NLRP13: variants seen among roughly 807,000 people sequenced by gnomAD.
NLRP13 encodes the protein NLR family pyrin domain containing 13, also known as NACHT, LRR and PYD domains-containing protein 13.
In NLRP13, 82 loss-of-function variants were observed where a neutral mutation model predicts 94.4. The observed-to-expected ratio is 0.87, with a 90% CI of 0.73 to 1.04. The LOEUF (loss-of-function observed/expected upper bound fraction) is 1.04. Among genes scored for constraint, NLRP13 ranks in the 50% least tolerant of loss-of-function variants. The pLI is 0.00. For missense variants in NLRP13, 1,426 were observed against 1,230.8 expected (o/e 1.16, Z -2.37); for synonymous variants, 553 against 464.7 (o/e 1.19, Z -2.45).
chr19:55,899,950 GTTGTT>G (rs959051844), intron 9 of NLRP13, among the ~76,000 whole-genome samples: 4 of 55,170 alleles, frequency 7.3e-5, no homozygotes, highest in Admixed American at 6.3e-4. Context: ...GAATATAATT[GTTGTT>G]TTTTTTTTTT....
intron 9 of NLRP13, 62 bp downstream of exon 9, chr19:55,901,973 G>A: frequency 6.5e-7 from 1 of 1,545,914 alleles, no homozygotes; most frequent in Non-Finnish European, 8.9e-7. Context: ...CTCAGGCATT[G>A]GTGGGTCAAT....
At chr19:55,902,989 CAT>C (rs961431912) in intron 8 of NLRP13, among the ~76,000 whole-genome samples, 9 of 150,242 alleles carry the variant, frequency 6.0e-5, no homozygotes, top group Admixed American at 2.0e-4. Flanking sequence ...TAATATTAGT[CAT>C]AATTATATAA....
intron 1 of NLRP13, among the ~76,000 whole-genome samples, chr19:55,929,530 A>T (rs1199070291): frequency 6.6e-6 from 1 of 152,204 alleles, no homozygotes; most frequent in Non-Finnish European, 1.5e-5. Flanking sequence ...CAGGAACGGA[A>T]AACCAAACAC....
intron 4 of NLRP13, among the ~76,000 whole-genome samples, chr19:55,920,559 A>G (rs1168221682): frequency 6.6e-6 from 1 of 152,152 alleles, no homozygotes; most frequent in Non-Finnish European, 1.5e-5. Context: ...AAAAATGCTC[A>G]TTATCACTAG....
chr19:55,924,534 T>A, intron 3 of NLRP13, 56 bp downstream of exon 3: 2 of 1,274,532 alleles, frequency 1.6e-6, no homozygotes, highest in South Asian at 2.4e-5. Context: ...TGTGGACCAA[T>A]GAAACGAGTG....
intron 7 of NLRP13, among the ~76,000 whole-genome samples, chr19:55,905,367 CCT>C (rs1986308376): frequency 6.6e-6 from 1 of 151,230 alleles, no homozygotes; most frequent in South Asian, 2.1e-4. Flanking sequence ...CATGGAGAAA[CCT>C]CATCTCCACT....
intron 2 of NLRP13, 114 bp downstream of exon 2, chr19:55,924,853 A>T: frequency 1.0e-6 from 1 of 991,054 alleles, no homozygotes; most frequent in South Asian, 1.4e-5. Context: ...AAAGTTTTTA[A>T]TTTTTTATGC....
At chr19:55,909,383 A>G (rs1399663306) in intron 6 of NLRP13, among the ~76,000 whole-genome samples, 1 of 152,110 alleles carries the variant, frequency 6.6e-6, no homozygotes, top group East Asian at 1.9e-4. Context: ...AAGAGGTTCT[A>G]TTTTTAATTC....
Position 55,912,172 on chromosome 19 carries a change from C to G in NLRP13, c.1645G>C (p.Val549Leu). ...GGGAATTCTCTAGGTTCCTCTAGCACAAAGGACATGGCTGCAAAAAACTCC... is the reference window on the plus strand; with the variant it reads ...GGGAATTCTCTAGGTTCCTCTAGCAGAAAGGACATGGCTGCAAAAAACTCC... ...FQEFFAAMSFVLEEPREFPPH... is the reference protein window; with the variant it reads ...FQEFFAAMSFLLEEPREFPPH... The change falls in exon 5 of 11, where the codon GTG (valine) becomes CTG (leucine). Residue 549 changes from valine to leucine, a missense_variant. Physicochemically the swap from Val to Leu is conservative, Grantham distance 32. Coordinates refer to ENST00000342929, the MANE Select transcript of NLRP13 (RefSeq NM_176810.2). The G allele has an allele frequency of 6.2e-7, 1 of 1,614,140 alleles. No homozygotes were observed. The highest frequency in any genetic ancestry group is 1.1e-5 in the South Asian group (1 of 91,076).
intron 7 of NLRP13, among the ~76,000 whole-genome samples, chr19:55,905,418 C>CACACATATATATATACAT (rs1986312287): frequency 1.3e-5 from 2 of 149,854 alleles, no homozygotes; most frequent in African/African-American, 4.9e-5. Flanking sequence ...TATATATACA[C>CACACATATATATATACAT]GTATATATAC....
intron 5 of NLRP13, 118 bp from the exon 6 acceptor site, chr19:55,910,851 T>C: frequency 1.1e-6 from 1 of 947,886 alleles, no homozygotes; most frequent in Non-Finnish European, 1.5e-6. Context: ...TTTCCTAATG[T>C]GGCTGGGTGC....
intron 1 of NLRP13, among the ~76,000 whole-genome samples, chr19:55,925,866 T>C (rs551504582): frequency 1.3e-5 from 2 of 152,282 alleles, no homozygotes; most frequent in East Asian, 3.9e-4. Flanking sequence ...TCCATGTTCC[T>C]TCAAAGAACA....
intron 6 of NLRP13, among the ~76,000 whole-genome samples, chr19:55,908,834 G>A (rs1293450267): frequency 6.6e-6 from 1 of 152,128 alleles, no homozygotes; most frequent in Non-Finnish European, 1.5e-5. Context: ...TAATATCTGG[G>A]TGATGAAATA....
At position 55,923,766 on chromosome 19, in the gene NLRP13, C is replaced by A. The variant is rs1432618016; in HGVS notation, c.523+148G>T. ...ACCTGGCATTTTTCAACAAATTGTACTGGAAGAACCAGTTGGGAAGAGCTT... is the reference window on the plus strand; with the variant it reads ...ACCTGGCATTTTTCAACAAATTGTAATGGAAGAACCAGTTGGGAAGAGCTT... On this transcript the variant is annotated intron_variant, in intron 4 of 10. Coordinates refer to ENST00000342929, the MANE Select transcript of NLRP13 (RefSeq NM_176810.2). 2.7e-5 allele frequency: 17 copies of A among 632,370 alleles called. No homozygotes were observed. In the East Asian group the frequency reaches 4.4e-4, roughly 16 times the overall value. The allele number at this position is 632,370 out of a possible 1,614,324, so 39.2% of individuals were successfully genotyped here.
chr19:55,914,187 A>G (rs570372615), intron 4 of NLRP13, among the ~76,000 whole-genome samples: 24 of 152,286 alleles, frequency 1.6e-4, no homozygotes, highest in Admixed American at 2.6e-4. Flanking sequence ...CAGTCACAGC[A>G]CAAGGGCCAG....
chr19:55,926,563 C>T (rs565935329), intron 1 of NLRP13, among the ~76,000 whole-genome samples: 38 of 152,266 alleles, frequency 2.5e-4, no homozygotes, highest in African/African-American at 8.4e-4. Context: ...ATTACTCCCC[C>T]CAGGCTCCAT....
chr19:55,897,737 A>T (rs1986053135), intron 10 of NLRP13, among the ~76,000 whole-genome samples: 1 of 152,170 alleles, frequency 6.6e-6, no homozygotes, highest in Non-Finnish European at 1.5e-5. Context: ...TTAAACCAAT[A>T]ATTTAATGTG....
chr19:55,910,529 G>C (rs199476255), intron 6 of NLRP13, 34 bp downstream of exon 6: 3 of 1,530,636 alleles, frequency 2.0e-6, no homozygotes, highest in Non-Finnish European at 2.7e-6. Flanking sequence ...TTCTCCTAGG[G>C]TATCTTCTTG....
At chr19:55,918,037 T>G (rs1986715016) in intron 4 of NLRP13, among the ~76,000 whole-genome samples, 1 of 151,976 alleles carries the variant, frequency 6.6e-6, no homozygotes, top group African/African-American at 2.4e-5. Flanking sequence ...ATAAATTTTT[T>G]AAAAATGGAA....
Sources: gnomAD v4.1 joint callset for allele counts (sites outside exome capture counted in the v4.1 genomes callset) on GRCh38, gnomAD v4.1.1 for gene constraint, MANE v1.5 for transcripts, NCBI Gene and HGNC (gene_info 2026-07-23, HGNC 2026-07-21) for gene names.